The following FRMD4A variants were observed in gnomAD, a reference collection of about 807,000 sequenced individuals.
FRMD4A encodes the protein FERM domain-containing protein 4A.
FRMD4A carries 29 observed loss-of-function variants against 129.1 expected under a neutral mutation model. That is an observed-to-expected ratio of 0.22 (90% CI 0.17 to 0.31). FRMD4A has a LOEUF of 0.31. FRMD4A is among the 10% of genes least tolerant of loss of function. The pLI is 1.00. For missense variants in FRMD4A, 1,272 were observed against 1,375.8 expected (o/e 0.92, Z 1.19); for synonymous variants, 634 against 571.6 (o/e 1.11, Z -1.56).
At chr10:14,019,513 A>G (rs546422091) in intron 2 of FRMD4A, among the ~76,000 whole-genome samples, 1 of 152,340 alleles carries the variant, frequency 6.6e-6, no homozygotes, top group South Asian at 2.1e-4. Context: ...CAGAGGGGGA[A>G]GAGACACATG....
chr10:14,030,445 C>G (rs1352397462), intron 2 of FRMD4A, among the ~76,000 whole-genome samples: 1 of 152,148 alleles, frequency 6.6e-6, no homozygotes, highest in Non-Finnish European at 1.5e-5. Context: ...GAAAAGAAAA[C>G]TCTCAATGAT....
chr10:13,826,103 C>G (rs543286630), intron 3 of FRMD4A, among the ~76,000 whole-genome samples: 1 of 152,208 alleles, frequency 6.6e-6, no homozygotes, highest in African/African-American at 2.4e-5. Flanking sequence ...AAAGCTGTCA[C>G]GAGGACTCAA....
chr10:14,291,231 C>T (rs1439268373), intron 2 of FRMD4A, among the ~76,000 whole-genome samples: 1 of 152,050 alleles, frequency 6.6e-6, no homozygotes, highest in African/African-American at 2.4e-5. Context: ...TTTGTAATAC[C>T]ATCTAAAATT....
intron 2 of FRMD4A, among the ~76,000 whole-genome samples, chr10:13,908,192 GACA>G (rs2094903757): frequency 8.5e-6 from 1 of 117,934 alleles, no homozygotes; most frequent in Non-Finnish European, 1.9e-5. Flanking sequence ...AAAAAAAAAG[GACA>G]GAAAATATAT....
rs192601709 is a variant in FRMD4A at position 14,129,608 on chromosome 10, G to A, written c.45+200450C>T. On this transcript the variant is annotated intron_variant, in intron 2 of 24. Coordinates refer to ENST00000357447, the MANE Select transcript of FRMD4A (RefSeq NM_018027.5). ...GCCCCTGGAAACAGAGGTATCAAGA[G>A]ACCATCACTCTGGGAACAAAGGTCA... Among the ~76,000 whole-genome samples the A allele has an allele frequency of 3.2e-4, 48 of 151,984 alleles. 1 individual carries two copies. In the East Asian group the frequency reaches 5.0e-3, roughly 16 times the overall value.
At chr10:13,764,388 C>T (rs2092199786) in intron 6 of FRMD4A, among the ~76,000 whole-genome samples, 1 of 151,864 alleles carries the variant, frequency 6.6e-6, no homozygotes, top group African/African-American at 2.4e-5. Context: ...GCCTGTAGTC[C>T]CAGCTACTTG....
intron 2 of FRMD4A, among the ~76,000 whole-genome samples, chr10:13,931,049 G>T (rs1188329818): frequency 6.6e-6 from 1 of 152,104 alleles, no homozygotes; most frequent in Admixed American, 6.5e-5. Context: ...TGCCCAGGCT[G>T]GTCTCAAACT....
At chr10:14,074,326 C>T (rs766628188) in intron 2 of FRMD4A, 1 of 152,184 alleles carries the variant, frequency 6.6e-6, no homozygotes, top group Non-Finnish European at 1.5e-5. Context: ...TCTACTTGTC[C>T]AGACCTGAGG....
intron 2 of FRMD4A, among the ~76,000 whole-genome samples, chr10:13,967,915 G>T (rs1285360666): frequency 6.6e-6 from 1 of 152,186 alleles, no homozygotes; most frequent in Non-Finnish European, 1.5e-5. Context: ...GCGTGGTGGC[G>T]CATGCCTGTG....
intron 2 of FRMD4A, among the ~76,000 whole-genome samples, chr10:14,113,842 C>T (rs995841965): frequency 1.3e-5 from 2 of 152,154 alleles, no homozygotes; most frequent in African/African-American, 2.4e-5. Context: ...CCTCCTTCTC[C>T]TCCAGCAGGT....
chr10:13,772,522 G>T (rs547195601), intron 6 of FRMD4A, among the ~76,000 whole-genome samples: 270 of 152,232 alleles, frequency 1.8e-3, no homozygotes, highest in Non-Finnish European at 2.3e-3. Flanking sequence ...ATTCTCTTCT[G>T]AGGAGCTACT....
At chr10:14,035,228 C>G (rs916022570) in intron 2 of FRMD4A, among the ~76,000 whole-genome samples, 2 of 151,908 alleles carry the variant, frequency 1.3e-5, no homozygotes, top group Non-Finnish European at 2.9e-5. Flanking sequence ...CCCTGGCCAA[C>G]AAGGTGAAAC....
intron 2 of FRMD4A, among the ~76,000 whole-genome samples, chr10:14,135,791 T>G (rs752697809): frequency 5.3e-5 from 8 of 152,202 alleles, no homozygotes; most frequent in Non-Finnish European, 1.0e-4. Context: ...GAATATAAAG[T>G]GCTTTATTTT....
intron 2 of FRMD4A, among the ~76,000 whole-genome samples, chr10:14,103,299 A>T (rs1837406819): frequency 6.6e-6 from 1 of 152,230 alleles, no homozygotes; most frequent in African/African-American, 2.4e-5. Context: ...GTGTTCTGTG[A>T]CTAAGCTTTA....
intron 3 of FRMD4A, among the ~76,000 whole-genome samples, chr10:13,845,001 T>C (rs1721108351): frequency 6.6e-6 from 1 of 152,202 alleles, no homozygotes; most frequent in African/African-American, 2.4e-5. Context: ...AGTACAGACC[T>C]TCCCACAGAT....
intron 17 of FRMD4A, among the ~76,000 whole-genome samples, chr10:13,669,057 G>GTTTTTTTTTTT (rs56706198): frequency 1.0e-5 from 1 of 97,460 alleles, no homozygotes; most frequent in African/African-American, 4.3e-5. Context: ...CTGAGCTTTA[G>GTTTTTTTTTTT]TTTTTTTTTT....
chr10:13,689,798 A>G lies in FRMD4A; in HGVS notation c.1117+4100T>C, dbSNP rs562667875. ...GGCTGGTCTGGAACTCCTGGCTTCAAGTGATCCTCCCCACCGCCCCAAACC... is the reference window on the plus strand; with the variant it reads ...GGCTGGTCTGGAACTCCTGGCTTCAGGTGATCCTCCCCACCGCCCCAAACC... On this transcript the variant is annotated intron_variant, in intron 15 of 24. Transcript: ENST00000357447. 9.9e-5 allele frequency among the ~76,000 whole-genome samples: 15 copies of G among 152,158 alleles called. No homozygotes were observed. In the East Asian group the frequency reaches 2.7e-3, roughly 27 times the overall value.
intron 5 of FRMD4A, among the ~76,000 whole-genome samples, chr10:13,787,999 A>G (rs2092910450): frequency 6.6e-6 from 1 of 152,206 alleles, no homozygotes; most frequent in Non-Finnish European, 1.5e-5. Context: ...CACAAAGAAC[A>G]TTCCAGGTCT....
chr10:14,027,102 G>A (rs12220564), intron 2 of FRMD4A, among the ~76,000 whole-genome samples: 1 of 152,176 alleles, frequency 6.6e-6, no homozygotes, highest in East Asian at 1.9e-4. Flanking sequence ...CGAAAACCAA[G>A]TCCTCTTAGC....
Sources: gnomAD v4.1 joint callset for allele counts (sites outside exome capture counted in the v4.1 genomes callset) on GRCh38, gnomAD v4.1.1 for gene constraint, MANE v1.5 for transcripts, NCBI Gene and HGNC (gene_info 2026-07-23, HGNC 2026-07-21) for gene names.